Variants in REXO1 observed in about 807,000 individuals in gnomAD.
REXO1 encodes the protein REX1, RNA exonuclease 1 homolog.
REXO1 carries 42 observed loss-of-function variants against 102.6 expected under a neutral mutation model. The ratio of observed to expected loss-of-function variants is 0.41; its 90% CI spans 0.32 to 0.53. The LOEUF is 0.53. Ranked by LOEUF, REXO1 falls within the 20% of genes least tolerant of loss-of-function variation. The pLI is 0.27. For synonymous variants in REXO1, 908 were observed against 779.1 expected (o/e 1.17, Z -2.76); for missense variants, 1,819 against 1,732.5 (o/e 1.05, Z -0.89).
At chr19:1,845,271 G>A (rs890780407) in intron 1 of REXO1, among the ~76,000 whole-genome samples, 4 of 152,302 alleles carry the variant, frequency 2.6e-5, no homozygotes, top group African/African-American at 4.8e-5. Context: ...CCTCTAGGCC[G>A]GGGATGCACA....
At chr19:1,820,446 A>G (rs776548382) in intron 5 of REXO1, 51 bp from the exon 6 acceptor site, 1 of 1,603,144 alleles carries the variant, frequency 6.2e-7, no homozygotes, top group Non-Finnish European at 8.5e-7. Flanking sequence ...CAAGGCCTCC[A>G]GCGGGGAACG....
Position 1,828,298 on chromosome 19 carries a change from C to T in REXO1, c.491G>A (p.Gly164Asp). 6.2e-7 allele frequency: 1 copy of T among 1,607,478 alleles called. No individual in the cohort carries two copies. The highest frequency in any genetic ancestry group is 1.7e-5 in the Admixed American group (1 of 59,334). The change falls in exon 2 of 16, where the codon GGC becomes GAC. Residue 164 changes from glycine to aspartate, a missense_variant. Coordinates refer to ENST00000170168, the MANE Select transcript of REXO1 (RefSeq NM_020695.4). ...GSHGLLSPDA[G>D]YQPTPLAAPA... Reference sequence around the variant, plus strand: ...GGCGGCCAGTGGGGTGGGCTGGTAGCCGGCATCAGGGCTTAATAGGCCGTG... The same window carrying T: ...GGCGGCCAGTGGGGTGGGCTGGTAGTCGGCATCAGGGCTTAATAGGCCGTG...
At chr19:1,819,179 G>C in intron 7 of REXO1, 48 bp from the exon 8 acceptor site, 3 of 1,423,326 alleles carry the variant, frequency 2.1e-6, no homozygotes, top group Middle Eastern at 1.9e-4. Context: ...AGCTGGCTCA[G>C]ACCCCTGCCC....
chr19:1,824,373 C>T (rs2069645102), intron 3 of REXO1: 1 of 152,324 alleles, frequency 6.6e-6, no homozygotes, highest in African/African-American at 2.4e-5. Flanking sequence ...TGTCCCTCGC[C>T]CCAGCACCGT....
chr19:1,827,719 G>A lies in REXO1; in HGVS notation c.1070C>T (p.Ala357Val). The part of the protein sequence containing the change: ...GDLQPPPAKP[A>V]SPAQVQSSQD... ...TGAGGACTGGACCTGGGCTGGGGAG[G>A]CGGGCTTGGCTGGGGGCGGCTGGAG... The change falls in exon 2 of 16, where the codon GCC becomes GTC. Residue 357 changes from alanine to valine, a missense_variant. Ala to Val is a moderately conservative substitution (Grantham distance 64). Coordinates refer to ENST00000170168, the MANE Select transcript of REXO1 (RefSeq NM_020695.4). The A allele has an allele frequency of 1.3e-6, 2 of 1,570,796 alleles. No individual in the cohort carries two copies. The highest frequency in any genetic ancestry group is 1.7e-6 in the Non-Finnish European group (2 of 1,169,438).
At chr19:1,846,504 G>A (rs1350617842) in intron 1 of REXO1, among the ~76,000 whole-genome samples, 1 of 152,194 alleles carries the variant, frequency 6.6e-6, no homozygotes, top group Non-Finnish European at 1.5e-5. Flanking sequence ...TAGGAACGGG[G>A]GGCAGACAGG....
At chr19:1,833,078 G>A (rs2069948921) in intron 1 of REXO1, among the ~76,000 whole-genome samples, 1 of 152,082 alleles carries the variant, frequency 6.6e-6, no homozygotes, top group Non-Finnish European at 1.5e-5. Context: ...CAAAAAATGA[G>A]CTGGGTGTGA....
chr19:1,845,411 C>T (rs927389383), intron 1 of REXO1, among the ~76,000 whole-genome samples: 21 of 152,224 alleles, frequency 1.4e-4, no homozygotes, highest in Admixed American at 3.9e-4. Flanking sequence ...CGCCTGTCAT[C>T]CCAGCACTTC....
intron 1 of REXO1, among the ~76,000 whole-genome samples, chr19:1,840,215 C>T (rs1007806837): frequency 3.9e-5 from 6 of 152,224 alleles, no homozygotes; most frequent in East Asian, 1.9e-4. Flanking sequence ...AGCACCCCAG[C>T]GTCGACGGAG....
At position 1,827,349 on chromosome 19, in the gene REXO1, G is replaced by T; in HGVS notation, c.1440C>A (p.Pro480=). 1 of 1,550,214 alleles carries T rather than the reference G, an allele frequency of 6.5e-7. No homozygotes were observed. Residue 480 remains proline (P), a synonymous_variant, in exon 2 of 16, where the codon CCC becomes CCA. Coordinates refer to ENST00000170168, the MANE Select transcript of REXO1 (RefSeq NM_020695.4). The part of the protein sequence containing the change: ...GRGPPRPLQL[P]DRKSTKAPSG... ...ACGGGGCCTTGGTGCTCTTCCTGTC[G>T]GGCAGCTGGAGGGGGCGGGGTGGGC...
At chr19:1,819,569 C>T (rs1163626947) in intron 7 of REXO1, among the ~76,000 whole-genome samples, 1 of 152,208 alleles carries the variant, frequency 6.6e-6, no homozygotes, top group East Asian at 1.9e-4. Flanking sequence ...CCTGGAGAGG[C>T]TGCAATGAAA....
At chr19:1,844,444 T>C (rs1209221281) in intron 1 of REXO1, among the ~76,000 whole-genome samples, 1 of 152,198 alleles carries the variant, frequency 6.6e-6, no homozygotes, top group South Asian at 2.1e-4. Context: ...CCGACTCTGC[T>C]AGAAGGCTCA....
At position 1,827,109 on chromosome 19, in the gene REXO1, G is replaced by T. The variant is rs2069753211; in HGVS notation, c.1680C>A (p.Phe560Leu). 6.5e-7 allele frequency: 1 copy of T among 1,541,924 alleles called. No homozygotes were observed. ...SDSDSDSSLG[F>L]PEAQGPPKRL... ...GCTTGGGCGGCCCCTGCGCCTCCGG[G>T]AAGCCCAGGCTGGAGTCTGAGTCGG... The change falls in exon 2 of 16, where the codon TTC becomes TTA. Residue 560 changes from phenylalanine (F) to leucine (L), a missense_variant. By Grantham distance (22) the Phe-to-Leu change is conservative. Transcript: ENST00000170168.
chr19:1,817,571 G>C, intron 11 of REXO1, 136 bp downstream of exon 11: 1 of 1,443,064 alleles, frequency 6.9e-7, no homozygotes, highest in Non-Finnish European at 9.3e-7. Context: ...ACGTTCTCTG[G>C]GTAACACAAG....
At chr19:1,831,921 C>T (rs1356325973) in intron 1 of REXO1, among the ~76,000 whole-genome samples, 1 of 151,506 alleles carries the variant, frequency 6.6e-6, no homozygotes, top group African/African-American at 2.4e-5. Flanking sequence ...GCTGCTCCCC[C>T]GAGACACACC....
At position 1,816,833 on chromosome 19, in the gene REXO1, C is replaced by T; in HGVS notation, c.3202-20G>A. 1 of 1,575,090 alleles carries T rather than the reference C, an allele frequency of 6.3e-7. No homozygotes were observed. The highest frequency in any genetic ancestry group is 1.1e-5 in the South Asian group (1 of 90,284). On this transcript the variant is annotated intron_variant, in intron 12 of 15. Transcript: ENST00000170168. ...GTAGGACTGCGGGCAAGGGATGCAC[C>T]TCAGATGTGTCCCAGGCACCGGCCT...
intron 1 of REXO1, among the ~76,000 whole-genome samples, chr19:1,833,678 G>A (rs1411373890): frequency 6.6e-6 from 1 of 152,180 alleles, no homozygotes; most frequent in African/African-American, 2.4e-5. Context: ...TTCACTGGGG[G>A]AGGCTCCGGC....
intron 1 of REXO1, among the ~76,000 whole-genome samples, chr19:1,836,798 C>T (rs1224385704): frequency 6.6e-6 from 1 of 150,792 alleles, no homozygotes; most frequent in Non-Finnish European, 1.5e-5. Context: ...CTGCTCCGGA[C>T]ACCGTTCGGT....
rs1335228923 is a variant in REXO1, at chr19:1,819,028, C to T, written c.2754G>A (p.Glu918=). The T allele has an allele frequency of 6.2e-7, 1 of 1,600,406 alleles. No homozygotes were observed. Among genetic ancestry groups the T allele is most frequent in the Non-Finnish European group, 8.5e-7 (1 of 1,173,060 alleles). Reference sequence around the variant, plus strand: ...GGGGCAGGGCCTTACCTTTCAGGTCCTCCACCCGGGGGCTGCTTGGACGGC... The same window carrying T: ...GGGGCAGGGCCTTACCTTTCAGGTCTTCCACCCGGGGGCTGCTTGGACGGC... ...SLSRPSSPRV[E]DLKGAALYSR... The change falls in exon 8 of 16, where the codon GAG becomes GAA. Residue 918 remains glutamate (E), a synonymous_variant. Coordinates refer to ENST00000170168, the MANE Select transcript of REXO1 (RefSeq NM_020695.4).
Sources: allele counts gnomAD v4.1 joint callset (sites outside exome capture counted in the v4.1 genomes callset), GRCh38; gene constraint gnomAD v4.1.1; transcripts MANE v1.5; gene names NCBI Gene and HGNC (gene_info 2026-07-23, HGNC 2026-07-21).